ZMYND8: variants seen among roughly 807,000 people sequenced by gnomAD.
ZMYND8 encodes the protein MYND-type zinc finger-containing chromatin reader ZMYND8.
A neutral mutation model predicts 140.8 loss-of-function variants in ZMYND8; 37 were observed. The observed-to-expected ratio is 0.26, with a 90% CI of 0.20 to 0.35. The LOEUF (loss-of-function observed/expected upper bound fraction) is 0.35. Among genes scored for constraint, ZMYND8 ranks in the 10% least tolerant of loss-of-function variants. The pLI is 1.00. For synonymous variants in ZMYND8, 592 were observed against 597.1 expected, an observed-to-expected ratio of 0.99 and a Z score of 0.12; for missense variants, 1,068 against 1,570.0, an observed-to-expected ratio of 0.68 and a Z score of 5.40.
intron 11 of ZMYND8, among the ~76,000 whole-genome samples, chr20:47,266,673 T>A (rs1315952791): frequency 6.6e-6 from 1 of 152,176 alleles, no homozygotes; most frequent in Non-Finnish European, 1.5e-5. Context: ...ATATCCCAAA[T>A]CTCTGCACTC....
intron 2 of ZMYND8, among the ~76,000 whole-genome samples, chr20:47,338,169 G>A (rs6012160): frequency 2.8e-4 from 43 of 152,210 alleles, no homozygotes; most frequent in Middle Eastern, 3.4e-3. Context: ...GTGGGTCCAG[G>A]TGTCCAGGAT....
At chr20:47,331,783 G>A (rs574000425) in intron 2 of ZMYND8, among the ~76,000 whole-genome samples, 2 of 152,290 alleles carry the variant, frequency 1.3e-5, no homozygotes, top group Admixed American at 1.3e-4. Context: ...AGATGAGGAT[G>A]GAAAACCTCC....
At chr20:47,218,071 G>A (rs2036380376) in intron 21 of ZMYND8, among the ~76,000 whole-genome samples, 1 of 152,216 alleles carries the variant, frequency 6.6e-6, no homozygotes, top group East Asian at 1.9e-4. Flanking sequence ...ACGGCAGGGT[G>A]AGCAGCTATG....
intron 2 of ZMYND8, among the ~76,000 whole-genome samples, chr20:47,342,939 C>T (rs2148554618): frequency 6.6e-6 from 1 of 151,416 alleles, no homozygotes; most frequent in Non-Finnish European, 1.5e-5. Flanking sequence ...CAAAATGAGC[C>T]TGGAACATCT....
rs143677504 is a variant in ZMYND8, at chr20:47,265,453, T to C, written c.1481-3025A>G. ...AAGTTTGTTTGTTTGTTTGTTTGTTTGTTTTGAGACAAAGTCTTGCTCTGT... is the reference window on the plus strand; with the variant it reads ...AAGTTTGTTTGTTTGTTTGTTTGTTCGTTTTGAGACAAAGTCTTGCTCTGT... On this transcript the variant is annotated intron_variant, in intron 11 of 22. Transcript: ENST00000471951. Among the ~76,000 whole-genome samples the C allele has an allele frequency of 7.0e-3, 1,073 of 152,206 alleles. 15 individuals carry two copies. Among genetic ancestry groups the C allele is most frequent in the African/African-American group, 0.024 (1,005 of 41,508 alleles).
chr20:47,222,781 AAT>A (rs1486311050), intron 19 of ZMYND8, among the ~76,000 whole-genome samples: 1 of 152,264 alleles, frequency 6.6e-6, no homozygotes, highest in Non-Finnish European at 1.5e-5. Context: ...GGTATTCTCC[AAT>A]ATTGCCTTTT....
Position 47,238,957 on chromosome 20 carries a change from C to T in ZMYND8, c.2466G>A (p.Gln822=). The T allele has an allele frequency of 6.2e-7, 1 of 1,612,986 alleles. No individual in the cohort carries two copies. Among genetic ancestry groups the T allele is most frequent in the Non-Finnish European group, 8.5e-7 (1 of 1,178,980 alleles). The change falls in exon 15 of 23, where the codon CAG becomes CAA. Residue 822 remains glutamine (Q), a synonymous_variant. Transcript: ENST00000471951. ...PAATGSPVKK[Q]RPLLPKETAP... is the part of the protein sequence containing the mutation. ...CAGTCTCCTTCGGTAAAAGCGGCCT[C>T]TGCTTTTTCACTGGGCTTCCTGTGG...
intron 2 of ZMYND8, chr20:47,319,229 G>C (rs541726771): frequency 5.4e-6 from 2 of 367,536 alleles, no homozygotes; most frequent in South Asian, 4.1e-5. Context: ...CCGGGCTTTC[G>C]CCTATAATTT....
At chr20:47,294,606 G>T in intron 5 of ZMYND8, 60 bp downstream of exon 5, 1 of 1,527,730 alleles carries the variant, frequency 6.5e-7, no homozygotes, top group South Asian at 1.1e-5. Flanking sequence ...GCTATTAACA[G>T]AACAAAACAT....
intron 4 of ZMYND8, among the ~76,000 whole-genome samples, chr20:47,296,334 C>CT (rs2077634277): frequency 6.6e-6 from 1 of 152,154 alleles, no homozygotes; most frequent in Non-Finnish European, 1.5e-5. Context: ...ATTTTCAAGG[C>CT]TTTTTTGTAC....
At chr20:47,272,595 T>C (rs1009744674) in intron 11 of ZMYND8, among the ~76,000 whole-genome samples, 1 of 152,180 alleles carries the variant, frequency 6.6e-6, no homozygotes, top group Non-Finnish European at 1.5e-5. Context: ...TATTAACCAC[T>C]TAGGCCACCT....
intron 2 of ZMYND8, among the ~76,000 whole-genome samples, chr20:47,313,560 T>C (rs1246534719): frequency 6.6e-6 from 1 of 151,442 alleles, no homozygotes; most frequent in African/African-American, 2.4e-5. Context: ...AGGCGGAGCT[T>C]GCAGTGAGCC....
intron 2 of ZMYND8, among the ~76,000 whole-genome samples, chr20:47,313,409 T>C (rs970660106): frequency 2.7e-5 from 4 of 150,132 alleles, no homozygotes; most frequent in Non-Finnish European, 4.4e-5. Flanking sequence ...GATTACAAAG[T>C]CAGGAGATCG....
chr20:47,339,578 G>A (rs1317407915), intron 2 of ZMYND8, among the ~76,000 whole-genome samples: 1 of 151,956 alleles, frequency 6.6e-6, no homozygotes, highest in Non-Finnish European at 1.5e-5. Context: ...CCGGGTTCAC[G>A]CCATTCTCCT....
At chr20:47,220,467 TGATGGG>T (rs1329568564) in intron 20 of ZMYND8, 143 bp from the exon 21 acceptor site, 39 of 722,960 alleles carry the variant, frequency 5.4e-5, no homozygotes, top group Non-Finnish European at 8.2e-5. Context: ...CAGGTGGGAG[TGATGGG>T]CACAGGGCGG....
chr20:47,235,187 A>T (rs1001698505), intron 16 of ZMYND8, among the ~76,000 whole-genome samples: 1 of 152,200 alleles, frequency 6.6e-6, no homozygotes, highest in African/African-American at 2.4e-5. Context: ...AATAAAAACA[A>T]AGCCCAACTA....
intron 16 of ZMYND8, 126 bp from the exon 17 acceptor site, chr20:47,229,932 G>A: frequency 1.4e-6 from 1 of 739,886 alleles, no homozygotes; most frequent in Non-Finnish European, 2.1e-6. Flanking sequence ...TCCCGCATGA[G>A]ACACTGGGCA....
intron 12 of ZMYND8, among the ~76,000 whole-genome samples, chr20:47,254,470 C>T (rs1044577738): frequency 2.6e-5 from 4 of 152,088 alleles, no homozygotes; most frequent in African/African-American, 9.7e-5. Flanking sequence ...GTAAGTAAGG[C>T]GCCTGAATAA....
intron 12 of ZMYND8, among the ~76,000 whole-genome samples, chr20:47,257,625 T>C (rs1240349002): frequency 2.6e-5 from 4 of 152,022 alleles, no homozygotes; most frequent in Non-Finnish European, 5.9e-5. Context: ...CCATATACTG[T>C]CATACCATAT....
Sources: gnomAD v4.1 joint callset for allele counts (sites outside exome capture counted in the v4.1 genomes callset) on GRCh38, gnomAD v4.1.1 for gene constraint, MANE v1.5 for transcripts, NCBI Gene and HGNC (gene_info 2026-07-23, HGNC 2026-07-21) for gene names.